SLC22A23: variants seen among roughly 807,000 people sequenced by gnomAD.
The protein encoded by SLC22A23 is ion transporter protein.
A neutral mutation model predicts 61.0 loss-of-function variants in SLC22A23; 26 were observed. That is an observed-to-expected ratio of 0.43 (90% CI 0.31 to 0.59). SLC22A23 has a LOEUF of 0.59. Among genes scored for constraint, SLC22A23 ranks in the 20% least tolerant of loss-of-function variants. The probability of loss-of-function intolerance (pLI) is 0.11; values close to 1 mark genes in which losing one functional copy is unlikely to be tolerated. For synonymous variants in SLC22A23, 430 were observed against 413.9 expected (o/e 1.04, Z -0.47); for missense variants, 796 against 934.7 (o/e 0.85, Z 1.94).
rs963461625 is a variant in SLC22A23 at position 3,427,737 on chromosome 6, A to G, written c.655-11882T>C. Among the ~76,000 whole-genome samples the G allele has an allele frequency of 6.6e-6, 1 of 152,230 alleles. No individual in the cohort carries two copies. Among genetic ancestry groups the G allele is most frequent in the African/African-American group, 2.4e-5 (1 of 41,472 alleles). On this transcript the variant is annotated intron_variant, in intron 1 of 9. Transcript: ENST00000406686. The surrounding 1 kb of genome is among the most constrained non-coding windows in gnomAD (Gnocchi z 4.3). ...ACTATTTTTCTGACCAAAAGAAAAA[A>G]AAAAGTAGGATGGTTCTCAAAAGCT... is the stretch of plus-strand genomic sequence containing the variant.
In SLC22A23 at chr6:3,456,628, A is replaced by AT; in HGVS notation, c.-70_-69insA. 1.1e-6 allele frequency: 1 copy of AT among 940,050 alleles called. No individual in the cohort carries two copies. The highest frequency in any genetic ancestry group is 1.3e-6 in the Non-Finnish European group (1 of 791,710). 58.2% of individuals were successfully genotyped at this position (940,050 alleles called of 1,614,324 possible). A position where few individuals can be genotyped will look rare whatever the true frequency, so the allele number is the denominator to read the frequency against. ...GAGGCTCCGCGGGCGCCCCGGGCAC[A>AT]GCGCGCCGGGCCAGGCGCCTGCAGC... On this transcript the variant is annotated 5_prime_UTR_variant, in exon 1 of 10. It adds an upstream start codon to the 5' untranslated region. Coordinates refer to ENST00000406686, the MANE Select transcript of SLC22A23 (RefSeq NM_015482.2). The surrounding 1 kb of genome is among the most constrained non-coding windows in gnomAD (Gnocchi z 7.1).
chr6:3,412,563 C>T (rs1442861106), intron 2 of SLC22A23, among the ~76,000 whole-genome samples: 1 of 152,230 alleles, frequency 6.6e-6, no homozygotes, highest in Non-Finnish European at 1.5e-5. Context: ...AGCCACAGTC[C>T]TTGTCCGTAA....
At position 3,327,350 on chromosome 6, in the gene SLC22A23, C is replaced by A. The variant is rs1019826905; in HGVS notation, c.914-3348G>T. Among the ~76,000 whole-genome samples the A allele has an allele frequency of 1.3e-5, 2 of 152,248 alleles. No homozygotes were observed. Among genetic ancestry groups the A allele is most frequent in the South Asian group, 4.1e-4 (2 of 4,836 alleles). ...TCCCGGTACTTACTAGAATCAATTT[C>A]TTTGCCAATGGAACCAAACCCAAAT... On this transcript the variant is annotated intron_variant, in intron 3 of 9. Coordinates refer to ENST00000406686, the MANE Select transcript of SLC22A23 (RefSeq NM_015482.2). This position sits in a 1 kb window ranked among gnomAD's most constrained non-coding sequence, Gnocchi z 4.1.
chr6:3,347,958 G>A (rs1428097226), intron 3 of SLC22A23, among the ~76,000 whole-genome samples: 1 of 152,200 alleles, frequency 6.6e-6, no homozygotes, highest in Non-Finnish European at 1.5e-5. Context: ...TCCTGTCTCT[G>A]CGTGGTGATG....
intron 5 of SLC22A23, chr6:3,292,085 C>T (rs890987612): frequency 6.6e-6 from 1 of 152,160 alleles, no homozygotes. Context: ...GCACATGAAG[C>T]GCTTCCTCCC....
At chr6:3,292,374 G>C (rs965713060) in intron 5 of SLC22A23, among the ~76,000 whole-genome samples, 8 of 152,212 alleles carry the variant, frequency 5.3e-5, no homozygotes, top group Non-Finnish European at 7.3e-5. Flanking sequence ...TGGACATCTA[G>C]AGACTTCTCT....
At chr6:3,442,758 G>A (rs544142708) in intron 1 of SLC22A23, among the ~76,000 whole-genome samples, 3 of 151,890 alleles carry the variant, frequency 2.0e-5, no homozygotes, top group African/African-American at 4.8e-5. Flanking sequence ...AATAAAGCAC[G>A]ACTGTTAGCT....
intron 6 of SLC22A23, among the ~76,000 whole-genome samples, 193 bp from the exon 7 acceptor site, chr6:3,287,284 G>C (rs371041151): frequency 1.3e-5 from 2 of 152,232 alleles, no homozygotes; most frequent in Non-Finnish European, 2.9e-5. Flanking sequence ...GAGAAATATG[G>C]AATGCTTCTC....
rs1463636092 is a variant in SLC22A23, at chr6:3,287,038, T to G, written c.1367A>C (p.Glu456Ala). The G allele has an allele frequency of 1.9e-6, 3 of 1,614,090 alleles. No individual in the cohort carries two copies. Among genetic ancestry groups the G allele is most frequent in the Non-Finnish European group, 2.5e-6 (3 of 1,180,044 alleles). ...GTTCTCCAGGAGCGGCACCTTCACC[T>G]CGTGGCCCATCATGCTCCTGGCAAA... Reference protein sequence around the residue: ...HCFARSMMGHEVKVPLLENFY... With the variant: ...HCFARSMMGHAVKVPLLENFY... The change falls in exon 7 of 10, where the codon GAG becomes GCG. Residue 456 changes from glutamate (E) to alanine (A), a missense_variant. Glu to Ala is a moderately radical substitution (Grantham distance 107). Coordinates refer to ENST00000406686, the MANE Select transcript of SLC22A23 (RefSeq NM_015482.2).
chr6:3,386,968 C>G lies in SLC22A23; in HGVS notation c.913+23220G>C, dbSNP rs1767352392. ...TGAAATCAACAACAACCACACACAA[C>G]TCTTCTCTTCCAACCTCACCCAGAT... On this transcript the variant is annotated intron_variant, in intron 3 of 9. Transcript: ENST00000406686. The surrounding 1 kb of genome is among the most constrained non-coding windows in gnomAD (Gnocchi z 4.4). Among the ~76,000 whole-genome samples, 1 of 152,222 alleles carries G rather than the reference C, an allele frequency of 6.6e-6. No individual in the cohort carries two copies. Among genetic ancestry groups the G allele is most frequent in the Non-Finnish European group, 1.5e-5 (1 of 68,048 alleles).
At chr6:3,401,627 A>G (rs1768398601) in intron 3 of SLC22A23, among the ~76,000 whole-genome samples, 2 of 152,212 alleles carry the variant, frequency 1.3e-5, no homozygotes, top group South Asian at 2.1e-4. Flanking sequence ...AATGTCCTGC[A>G]TCACTTGACT....
chr6:3,392,727 A>C (rs890168127), intron 3 of SLC22A23, among the ~76,000 whole-genome samples: 1 of 152,224 alleles, frequency 6.6e-6, no homozygotes. Flanking sequence ...GAGCAACTGC[A>C]TGGATAATGG....
chr6:3,278,065 G>C (rs1466606401), intron 9 of SLC22A23, among the ~76,000 whole-genome samples: 1 of 152,218 alleles, frequency 6.6e-6, no homozygotes, highest in Non-Finnish European at 1.5e-5. Flanking sequence ...GGTAGCCTCT[G>C]AGAGACCTGG....
chr6:3,343,307 A>T (rs1764251600), intron 3 of SLC22A23, among the ~76,000 whole-genome samples: 1 of 152,196 alleles, frequency 6.6e-6, no homozygotes, highest in Non-Finnish European at 1.5e-5. Context: ...ACAAGTGCTA[A>T]TCCCATTTAA....
intron 3 of SLC22A23, among the ~76,000 whole-genome samples, chr6:3,393,756 G>A (rs1057393197): frequency 6.6e-5 from 10 of 152,218 alleles, no homozygotes; most frequent in Admixed American, 2.6e-4. Context: ...AGAGGGCAGC[G>A]GTCTGCATAG....
chr6:3,456,038 G>A lies in SLC22A23; in HGVS notation c.522C>T (p.Ser174=). The change falls in exon 1 of 10, where the codon AGC becomes AGT. Residue 174 remains serine (S), a synonymous_variant. Coordinates refer to ENST00000406686, the MANE Select transcript of SLC22A23 (RefSeq NM_015482.2). This position sits in a 1 kb window ranked among gnomAD's most constrained non-coding sequence, Gnocchi z 7.1. The part of the protein sequence containing the change: ...PWEAAGNRSN[S]SGADGGDTPP... ...GTGTGTCGCCTCCGTCCGCGCCGCT[G>A]CTGTTGCTCCGGTTGCCCGCAGCCT... is the stretch of plus-strand genomic sequence containing the variant. 1 of 1,548,168 alleles carries A rather than the reference G, an allele frequency of 6.5e-7. No homozygotes were observed. The highest frequency in any genetic ancestry group is 2.4e-5 in the East Asian group (1 of 40,946).
At chr6:3,421,483 G>A (rs1485719878) in intron 1 of SLC22A23, among the ~76,000 whole-genome samples, 1 of 152,174 alleles carries the variant, frequency 6.6e-6, no homozygotes, top group Non-Finnish European at 1.5e-5. Context: ...CGAGGAAAAT[G>A]CTCATGATAT....
rs906938978 is a variant in SLC22A23 at position 3,286,894 on chromosome 6, G to A, written c.1511C>T (p.Ala504Val). The stretch of plus-strand genomic sequence containing the variant: ...GCCGAGCTGCAGGAGTGAGGCCAGG[G>A]CGGTGAGGATCATGAAGAGCAGCAG... ...GGLLLFMILT[A>V]LASLLQLGLL... The change falls in exon 7 of 10, where the codon GCC (alanine) becomes GTC (valine). Residue 504 changes from alanine to valine, a missense_variant. Transcript: ENST00000406686. The surrounding 1 kb of genome is among the most constrained non-coding windows in gnomAD (Gnocchi z 4.2). 6.2e-7 allele frequency: 1 copy of A among 1,611,416 alleles called. No individual in the cohort carries two copies. Among genetic ancestry groups the A allele is most frequent in the Non-Finnish European group, 8.5e-7 (1 of 1,179,026 alleles).
At position 3,304,505 on chromosome 6, in the gene SLC22A23, C is replaced by T. The variant is rs1335438017; in HGVS notation, c.1083-6287G>A. Among the ~76,000 whole-genome samples, 2 of 150,892 alleles carry T rather than the reference C, an allele frequency of 1.3e-5. No homozygotes were observed. The highest frequency in any genetic ancestry group is 2.4e-5 in the African/African-American group (1 of 41,310). On this transcript the variant is annotated intron_variant, in intron 4 of 9. Coordinates refer to ENST00000406686, the MANE Select transcript of SLC22A23 (RefSeq NM_015482.2). This position sits in a 1 kb window ranked among gnomAD's most constrained non-coding sequence, Gnocchi z 4.3. Reference sequence around the variant, plus strand: ...GGGCCTCTTTGGGAGCCCAAGCTTTCGATGGGTCTCCAAATTGTTTTTTTC... The same window carrying T: ...GGGCCTCTTTGGGAGCCCAAGCTTTTGATGGGTCTCCAAATTGTTTTTTTC...
Sources: gnomAD v4.1 joint callset for allele counts (sites outside exome capture counted in the v4.1 genomes callset) on GRCh38, gnomAD v4.1.1 for gene constraint, Gnocchi (gnomAD v3.1) non-coding constraint, MANE v1.5 for transcripts, NCBI Gene and HGNC (gene_info 2026-07-23, HGNC 2026-07-21) for gene names.